MGAT5: variants seen among roughly 807,000 people sequenced by gnomAD.
MGAT5 encodes the protein alpha-1,6-mannosylglycoprotein 6-beta-N-acetylglucosaminyltransferase.
A neutral mutation model predicts 94.3 loss-of-function variants in MGAT5; 30 were observed. That is an observed-to-expected ratio of 0.32 (90% CI 0.24 to 0.43). The LOEUF (loss-of-function observed/expected upper bound fraction) is 0.43. MGAT5 is among the 20% of genes least tolerant of loss of function. The pLI is 1.00. For missense variants in MGAT5, 691 were observed against 905.5 expected, an observed-to-expected ratio of 0.76 and a Z score of 3.04; for synonymous variants, 310 against 322.9, an observed-to-expected ratio of 0.96 and a Z score of 0.43.
intron 1 of MGAT5, among the ~76,000 whole-genome samples, chr2:134,258,877 A>G (rs1424589087): frequency 2.6e-5 from 4 of 152,224 alleles, no homozygotes; most frequent in Non-Finnish European, 4.4e-5. Context: ...CCTCTCACCA[A>G]GGACTGTGAG....
At chr2:134,425,970 T>G (rs907755784) in intron 13 of MGAT5, among the ~76,000 whole-genome samples, 2 of 152,000 alleles carry the variant, frequency 1.3e-5, no homozygotes, top group African/African-American at 4.8e-5. Flanking sequence ...TAGCTTGGGT[T>G]TCTCAATGAC....
intron 2 of MGAT5, among the ~76,000 whole-genome samples, chr2:134,307,884 G>C (rs1195151657): frequency 6.6e-6 from 1 of 152,114 alleles, no homozygotes; most frequent in African/African-American, 2.4e-5. Flanking sequence ...TTGAGGTTGG[G>C]AGAGCATTAA....
chr2:134,365,235 C>T (rs1680351261), intron 10 of MGAT5, among the ~76,000 whole-genome samples: 1 of 152,288 alleles, frequency 6.6e-6, no homozygotes, highest in Non-Finnish European at 1.5e-5. Flanking sequence ...CTTCACTCTT[C>T]CCACCACCCT....
At chr2:134,337,794 T>A in intron 5 of MGAT5, among the ~76,000 whole-genome samples, 1 of 152,168 alleles carries the variant, frequency 6.6e-6, no homozygotes, top group East Asian at 1.9e-4. Flanking sequence ...AAGATGAGCA[T>A]TTATTTCCCT....
chr2:134,352,987 G>T (rs1032313807), intron 9 of MGAT5, among the ~76,000 whole-genome samples: 1 of 152,184 alleles, frequency 6.6e-6, no homozygotes, highest in Non-Finnish European at 1.5e-5. Flanking sequence ...CACTCGTAAA[G>T]TATCTAAGGT....
At chr2:134,326,269 T>C (rs975311893) in intron 4 of MGAT5, among the ~76,000 whole-genome samples, 2 of 152,096 alleles carry the variant, frequency 1.3e-5, no homozygotes, top group Non-Finnish European at 2.9e-5. Context: ...GCTTGCTTGC[T>C]TTTTGTTTTT....
chr2:134,293,622 C>T (rs1685503539), intron 2 of MGAT5, among the ~76,000 whole-genome samples: 3 of 152,128 alleles, frequency 2.0e-5, no homozygotes, highest in Admixed American at 2.0e-4. Context: ...GTATACACCA[C>T]CATGCCTGGC....
At chr2:134,401,965 A>G (rs910948262) in intron 10 of MGAT5, among the ~76,000 whole-genome samples, 3 of 152,094 alleles carry the variant, frequency 2.0e-5, no homozygotes, top group African/African-American at 4.8e-5. Context: ...GCTTCCCTGC[A>G]CTCTGTGGCT....
intron 10 of MGAT5, among the ~76,000 whole-genome samples, chr2:134,384,032 G>A (rs1681803844): frequency 6.6e-6 from 1 of 151,974 alleles, no homozygotes; most frequent in Non-Finnish European, 1.5e-5. Flanking sequence ...CAAAAGAAGG[G>A]TATATTGGAC....
At chr2:134,267,101 T>C (rs777743439) in intron 1 of MGAT5, among the ~76,000 whole-genome samples, 1 of 152,174 alleles carries the variant, frequency 6.6e-6, no homozygotes, top group Non-Finnish European at 1.5e-5. Flanking sequence ...TGGTATATGT[T>C]GTTACACAAA....
chr2:134,446,169 C>T (rs897921118), intron 15 of MGAT5, among the ~76,000 whole-genome samples: 2 of 152,060 alleles, frequency 1.3e-5, no homozygotes, highest in African/African-American at 4.8e-5. Context: ...GGTCTCTGTG[C>T]ATCACCCCAG....
intron 1 of MGAT5, among the ~76,000 whole-genome samples, chr2:134,152,741 A>G (rs1021874309): frequency 2.0e-5 from 3 of 152,172 alleles, no homozygotes; most frequent in African/African-American, 7.2e-5. Flanking sequence ...CTTAGTTTTA[A>G]AAGAAAAGTA....
At chr2:134,281,968 G>A (rs1684725596) in intron 2 of MGAT5, among the ~76,000 whole-genome samples, 3 of 152,348 alleles carry the variant, frequency 2.0e-5, no homozygotes, top group Middle Eastern at 3.4e-3. Flanking sequence ...ATCTGAGGTT[G>A]AAACACAGTG....
At chr2:134,251,841 G>A (rs1417374173), upstream of MGAT5, among the ~76,000 whole-genome samples, 1 of 152,048 alleles carries the variant, frequency 6.6e-6, no homozygotes, top group Non-Finnish European at 1.5e-5. Context: ...TAGAACACCA[G>A]AACTTATTCC....
At chr2:134,398,101 A>C (rs185143999) in intron 10 of MGAT5, among the ~76,000 whole-genome samples, 32 of 152,230 alleles carry the variant, frequency 2.1e-4, no homozygotes, top group Non-Finnish European at 3.8e-4. Flanking sequence ...TTGGGACCAG[A>C]AGTGTTTTTG....
chr2:134,293,267 A>T lies in MGAT5; in HGVS notation c.406+22717A>T, dbSNP rs895492347. On this transcript the variant is annotated intron_variant, in intron 2 of 15. Coordinates refer to ENST00000281923, the MANE Select transcript of MGAT5 (RefSeq NM_002410.5). ...TTAAATTGGAAATGAATACATTATC[A>T]GTGGGTACTTGTTTCCAGGCACTAG... Among the ~76,000 whole-genome samples the T allele has an allele frequency of 7.2e-5, 11 of 152,336 alleles. No individual in the cohort carries two copies. The South Asian group carries it at 2.3e-3, about 32-fold the overall frequency.
chr2:134,428,491 C>T (rs780471601), intron 14 of MGAT5, 52 bp downstream of exon 14: 59 of 1,493,952 alleles, frequency 3.9e-5, no homozygotes, highest in Admixed American at 2.2e-4. Flanking sequence ...CTTCCTGTGA[C>T]GCCATAGGGC....
chr2:134,366,430 A>G (rs1178076900), intron 10 of MGAT5, among the ~76,000 whole-genome samples: 1 of 152,202 alleles, frequency 6.6e-6, no homozygotes, highest in African/African-American at 2.4e-5. Context: ...TCCTACTATG[A>G]TCTTAATACA....
chr2:134,200,254 G>A (rs1679718997), intron 1 of MGAT5, among the ~76,000 whole-genome samples: 1 of 151,456 alleles, frequency 6.6e-6, no homozygotes, highest in African/African-American at 2.4e-5. Context: ...CACCATAGTG[G>A]TCACGCTTGA....
Sources: allele counts gnomAD v4.1 joint callset (sites outside exome capture counted in the v4.1 genomes callset), GRCh38; gene constraint gnomAD v4.1.1; transcripts MANE v1.5; gene names NCBI Gene and HGNC (gene_info 2026-07-23, HGNC 2026-07-21).